Variants in SLC35F3 observed in about 807,000 individuals in gnomAD.
The protein encoded by SLC35F3 is putative thiamine transporter SLC35F3.
SLC35F3 carries 25 observed loss-of-function variants against 49.9 expected under a neutral mutation model. The observed-to-expected ratio is 0.50, with a 90% confidence interval of 0.37 to 0.70. The LOEUF (loss-of-function observed/expected upper bound fraction) is 0.70. Ranked by LOEUF, SLC35F3 falls within the 30% of genes least tolerant of loss-of-function variation. The probability of loss-of-function intolerance (pLI) is 0.00; values close to 1 mark genes in which losing one functional copy is unlikely to be tolerated. For synonymous variants in SLC35F3, 275 were observed against 265.4 expected, an observed-to-expected ratio of 1.04 and a Z score of -0.35; for missense variants, 525 against 639.8, an observed-to-expected ratio of 0.82 and a Z score of 1.94.
At chr1:234,140,220 C>T (rs1055244137) in intron 2 of SLC35F3, among the ~76,000 whole-genome samples, 59 of 151,958 alleles carry the variant, frequency 3.9e-4, no homozygotes, top group East Asian at 5.8e-4. Flanking sequence ...TTTCCATTTA[C>T]GTCACAATGC....
rs373109721 is a variant in SLC35F3 at position 234,004,311 on chromosome 1, A to G, written c.283+98553A>G. ...AGCTGTCCTTTCATCCATTTTATCT[A>G]TTTTCTGTCTGCATTTCAAAATGGA... is the stretch of plus-strand genomic sequence containing the variant. On this transcript the variant is annotated intron_variant, in intron 2 of 7. Coordinates refer to ENST00000366618, the MANE Select transcript of SLC35F3 (RefSeq NM_173508.4). 5.9e-5 allele frequency among the ~76,000 whole-genome samples: 9 copies of G among 152,300 alleles called. 1 individual carries two copies. The highest frequency in any genetic ancestry group is 3.9e-4 in the Admixed American group (6 of 15,288).
chr1:233,991,437 A>T (rs1663352544), intron 2 of SLC35F3, among the ~76,000 whole-genome samples: 1 of 151,684 alleles, frequency 6.6e-6, no homozygotes, highest in Admixed American at 6.6e-5. Context: ...TCCATGGAAG[A>T]AAAAAAAAGA....
At chr1:234,270,997 C>T (rs75017791) in intron 3 of SLC35F3, among the ~76,000 whole-genome samples, 6,597 of 152,278 alleles carry the variant, frequency 0.043, 196 homozygotes, top group Middle Eastern at 0.078. Flanking sequence ...ATCATCTTCT[C>T]TCCAGCAACA....
At chr1:233,916,113 T>C (rs1661965332) in intron 2 of SLC35F3, among the ~76,000 whole-genome samples, 1 of 152,248 alleles carries the variant, frequency 6.6e-6, no homozygotes, top group Non-Finnish European at 1.5e-5. Flanking sequence ...TACTTTCTTT[T>C]CTTTAAATAA....
intron 4 of SLC35F3, among the ~76,000 whole-genome samples, chr1:234,311,771 C>T (rs904772816): frequency 2.6e-5 from 4 of 152,204 alleles, no homozygotes; most frequent in Admixed American, 1.3e-4. Flanking sequence ...GCTTTCTGTA[C>T]GTTCCCTGGT....
intron 2 of SLC35F3, among the ~76,000 whole-genome samples, chr1:234,156,521 G>A (rs575625331): frequency 6.6e-6 from 1 of 152,206 alleles, no homozygotes; most frequent in Admixed American, 6.5e-5. Context: ...AACGGAAAAC[G>A]GTAAAGACAC....
Position 234,310,699 on chromosome 1 carries a change from T to G in SLC35F3, c.828+1379T>G, listed in dbSNP as rs1657331647. ...AAGAGCCAGGAGAATTTATGGAAAT[T>G]TTTGGCATGACTCAGATGTCCCTAG... On this transcript the variant is annotated intron_variant, in intron 4 of 7. Coordinates refer to ENST00000366618, the MANE Select transcript of SLC35F3 (RefSeq NM_173508.4). Among the ~76,000 whole-genome samples, 4 of 152,160 alleles carry G rather than the reference T, an allele frequency of 2.6e-5. No individual in the cohort carries two copies. The South Asian group carries it at 8.3e-4, about 32-fold the overall frequency.
At chr1:234,226,302 C>T (rs908023160) in intron 2 of SLC35F3, among the ~76,000 whole-genome samples, 3 of 152,126 alleles carry the variant, frequency 2.0e-5, no homozygotes, top group Non-Finnish European at 4.4e-5. Context: ...GTCACACCAG[C>T]CAGCTGGTGG....
chr1:234,052,553 G>A (rs569305771), intron 2 of SLC35F3, among the ~76,000 whole-genome samples: 18 of 152,004 alleles, frequency 1.2e-4, no homozygotes, highest in South Asian at 6.2e-4. Flanking sequence ...TCTTACTAGC[G>A]TTCTTTCAAT....
In SLC35F3 at chr1:234,323,569, G is replaced by A. The variant is rs1159922092; in HGVS notation, c.*326G>A. 5.7e-6 allele frequency: 2 copies of A among 351,752 alleles called. No individual in the cohort carries two copies. The highest frequency in any genetic ancestry group is 1.0e-5 in the Non-Finnish European group (2 of 191,222). The allele number at this position is 351,752 out of a possible 1,614,324, so 21.8% of individuals were successfully genotyped here. A position where few individuals can be genotyped will look rare whatever the true frequency, so the allele number is the denominator to read the frequency against. On this transcript the variant is annotated 3_prime_UTR_variant, in exon 8 of 8. Coordinates refer to ENST00000366618, the MANE Select transcript of SLC35F3 (RefSeq NM_173508.4). This position sits in a 1 kb window ranked among gnomAD's most constrained non-coding sequence, Gnocchi z 4.5. ...ATCAGGGCAAGTGTTTTGAATCTTA[G>A]CAAGTGTTTTGAATCTTAGCAACTG...
At chr1:233,964,683 AGAGG>A (rs1662872012) in intron 2 of SLC35F3, among the ~76,000 whole-genome samples, 1 of 152,236 alleles carries the variant, frequency 6.6e-6, no homozygotes, top group South Asian at 2.1e-4. Flanking sequence ...AGCTACAGAC[AGAGG>A]GACAAAGGAG....
chr1:234,134,983 G>A (rs2102900012), intron 2 of SLC35F3, among the ~76,000 whole-genome samples: 1 of 152,206 alleles, frequency 6.6e-6, no homozygotes. Context: ...GCCTCCCAAA[G>A]TGCTAGGATT....
chr1:234,304,374 G>T (rs995828077), intron 3 of SLC35F3, among the ~76,000 whole-genome samples: 1 of 152,064 alleles, frequency 6.6e-6, no homozygotes, highest in Non-Finnish European at 1.5e-5. Context: ...TATTGGCCAG[G>T]CTGGTCTTGA....
intron 2 of SLC35F3, among the ~76,000 whole-genome samples, chr1:234,064,414 C>A (rs1664586153): frequency 6.6e-6 from 1 of 152,032 alleles, no homozygotes; most frequent in Non-Finnish European, 1.5e-5. Context: ...ATAGAAAATT[C>A]CTCTAAAACC....
chr1:234,139,856 G>C (rs1202902397), intron 2 of SLC35F3, among the ~76,000 whole-genome samples: 1 of 151,620 alleles, frequency 6.6e-6, no homozygotes, highest in Non-Finnish European at 1.5e-5. Flanking sequence ...GCTGAGGCAG[G>C]AGAATCGCTT....
chr1:233,922,901 G>A (rs566425234), intron 2 of SLC35F3, among the ~76,000 whole-genome samples: 8 of 152,232 alleles, frequency 5.3e-5, no homozygotes, highest in East Asian at 1.9e-4. Context: ...TTATTAAATC[G>A]GGAATCGTTT....
At chr1:234,196,477 G>A (rs1296827633) in intron 2 of SLC35F3, among the ~76,000 whole-genome samples, 1 of 152,238 alleles carries the variant, frequency 6.6e-6, no homozygotes, top group Admixed American at 6.5e-5. Flanking sequence ...TTCCCTGAGT[G>A]AAGCCAAGAG....
chr1:233,939,635 G>T (rs996835912), intron 2 of SLC35F3, among the ~76,000 whole-genome samples: 4 of 152,144 alleles, frequency 2.6e-5, no homozygotes, highest in African/African-American at 9.7e-5. Flanking sequence ...CTGTGTTCCA[G>T]AGAGTTGAGA....
At chr1:234,114,280 T>C (rs1665450861) in intron 2 of SLC35F3, among the ~76,000 whole-genome samples, 1 of 152,216 alleles carries the variant, frequency 6.6e-6, no homozygotes, top group South Asian at 2.1e-4. Context: ...GAAAACAAAT[T>C]TGAAAAATGT....
Sources: gnomAD v4.1 joint callset for allele counts (sites outside exome capture counted in the v4.1 genomes callset) on GRCh38, gnomAD v4.1.1 for gene constraint, Gnocchi (gnomAD v3.1) non-coding constraint, MANE v1.5 for transcripts, NCBI Gene and HGNC (gene_info 2026-07-23, HGNC 2026-07-21) for gene names.